The following CD96 variants were observed in gnomAD, a reference collection of about 807,000 sequenced individuals.
The protein encoded by CD96 is T-cell surface protein tactile.
In CD96, 70 loss-of-function variants were observed where a neutral mutation model predicts 71.3. The observed-to-expected ratio is 0.98, with a 90% CI of 0.81 to 1.20. The LOEUF (loss-of-function observed/expected upper bound fraction) is 1.20, where lower values mean the gene tolerates loss of function less well. Ranked by LOEUF, CD96 falls within the 50% of genes most tolerant of loss-of-function variation. CD96 has a pLI of 0.00. For missense variants in CD96, 742 were observed against 677.5 expected, an observed-to-expected ratio of 1.10 and a Z score of -1.06; for synonymous variants, 248 against 233.0, an observed-to-expected ratio of 1.06 and a Z score of -0.59.
chr3:111,660,359 T>A (rs956200838), intron 14 of CD96, among the ~76,000 whole-genome samples: 4 of 152,078 alleles, frequency 2.6e-5, no homozygotes, highest in Non-Finnish European at 4.4e-5. Context: ...TTGAAAGAAA[T>A]CAGAGATGAC....
chr3:111,643,070 T>TAA (rs201908883), intron 12 of CD96, among the ~76,000 whole-genome samples: 41 of 94,354 alleles, frequency 4.3e-4, no homozygotes, highest in Non-Finnish European at 5.7e-4. Flanking sequence ...CCAAAATCCT[T>TAA]AAAAAAAAAA....
At chr3:111,638,003 A>G (rs1183748243) in intron 11 of CD96, 76 bp from the exon 12 acceptor site, 2 of 837,256 alleles carry the variant, frequency 2.4e-6, no homozygotes, top group Non-Finnish European at 4.2e-6. Flanking sequence ...CAAATAACAT[A>G]TGAAACCCAA....
chr3:111,642,617 G>A (rs561101705), intron 12 of CD96, among the ~76,000 whole-genome samples: 1 of 151,992 alleles, frequency 6.6e-6, no homozygotes, highest in Admixed American at 6.6e-5. Flanking sequence ...GACCCGCCTG[G>A]CCAAGACAGT....
At chr3:111,617,566 C>G (rs954508905) in intron 8 of CD96, among the ~76,000 whole-genome samples, 3 of 152,142 alleles carry the variant, frequency 2.0e-5, no homozygotes, top group African/African-American at 7.2e-5. Context: ...AAGGAGCTAC[C>G]CACTACAGGT....
chr3:111,611,228 C>T (rs771690352), intron 8 of CD96, among the ~76,000 whole-genome samples: 38 of 152,284 alleles, frequency 2.5e-4, no homozygotes, highest in Non-Finnish European at 5.0e-4. Context: ...CAGTCTGCCT[C>T]TAACCCTCAG....
chr3:111,548,700 A>G (rs1005843893), intron 2 of CD96, among the ~76,000 whole-genome samples: 3 of 152,200 alleles, frequency 2.0e-5, no homozygotes, highest in Non-Finnish European at 4.4e-5. Context: ...TATTGGAAGC[A>G]GTAGTAGCAG....
intron 14 of CD96, among the ~76,000 whole-genome samples, chr3:111,657,419 A>G (rs1940257336): frequency 1.3e-5 from 2 of 152,092 alleles, no homozygotes; most frequent in Admixed American, 1.3e-4. Flanking sequence ...CATTTCAAAA[A>G]AAAAAAAACC....
Position 111,584,820 on chromosome 3 carries a change from A to G in CD96, c.752-503A>G, listed in dbSNP as rs182734797. Among the ~76,000 whole-genome samples, 55 of 152,296 alleles carry G rather than the reference A, an allele frequency of 3.6e-4. No homozygotes were observed. In the East Asian group the frequency reaches 4.8e-3, roughly 13 times the overall value. On this transcript the variant is annotated intron_variant, in intron 4 of 13. Coordinates refer to ENST00000352690, the MANE Select transcript of CD96 (RefSeq NM_005816.5). Reference sequence around the variant, plus strand: ...ATTTGAGTGAGGACAGAGCCAAACCATATCATAAGCCTTTGGACATGTAGA... The same window carrying G: ...ATTTGAGTGAGGACAGAGCCAAACCGTATCATAAGCCTTTGGACATGTAGA...
At chr3:111,613,587 T>C (rs1938068716) in intron 8 of CD96, among the ~76,000 whole-genome samples, 1 of 152,316 alleles carries the variant, frequency 6.6e-6, no homozygotes, top group South Asian at 2.1e-4. Flanking sequence ...TTAGATGTAG[T>C]TGAAGGCCTA....
intron 2 of CD96, among the ~76,000 whole-genome samples, chr3:111,546,470 T>C (rs751253036): frequency 6.6e-6 from 1 of 152,192 alleles, no homozygotes; most frequent in Non-Finnish European, 1.5e-5. Context: ...CCTTTCTGAA[T>C]AGAAATAAAA....
chr3:111,568,249 A>G lies in CD96; in HGVS notation c.543+602A>G, dbSNP rs141547776. ...AAACAAAAAACAGACAAACAAACAA[A>G]AGCCAGAAATCTGGATTTTTATGAA... is the stretch of plus-strand genomic sequence containing the variant. On this transcript the variant is annotated intron_variant, in intron 3 of 13. Coordinates refer to ENST00000352690, the MANE Select transcript of CD96 (RefSeq NM_005816.5). Among the ~76,000 whole-genome samples the G allele has an allele frequency of 1.6e-3, 238 of 152,264 alleles. 1 individual carries two copies. The highest frequency in any genetic ancestry group is 5.5e-3 in the African/African-American group (227 of 41,568).
At chr3:111,566,970 T>A (rs72622320) in intron 2 of CD96, among the ~76,000 whole-genome samples, 4,632 of 152,206 alleles carry the variant, frequency 0.03, 175 homozygotes, top group East Asian at 0.15. Flanking sequence ...TAATGTAAAC[T>A]ATGAACTTTG....
intron 5 of CD96, among the ~76,000 whole-genome samples, chr3:111,597,440 A>C (rs1229328644): frequency 6.6e-6 from 1 of 152,186 alleles, no homozygotes; most frequent in African/African-American, 2.4e-5. Flanking sequence ...TTTATTAAAA[A>C]ATATGTTGGA....
At chr3:111,653,217 G>C (rs1940148996), downstream of CD96, among the ~76,000 whole-genome samples, 1 of 152,130 alleles carries the variant, frequency 6.6e-6, no homozygotes, top group African/African-American at 2.4e-5. Flanking sequence ...AGAAGAAAAA[G>C]AAAGGCTCAT....
chr3:111,555,758 G>C, intron 2 of CD96, among the ~76,000 whole-genome samples: 1 of 152,092 alleles, frequency 6.6e-6, no homozygotes, highest in Non-Finnish European at 1.5e-5. Context: ...TTCAGGTTTT[G>C]TTAAAGTTCT....
chr3:111,567,392 CT>C (rs1935768125), intron 2 of CD96, 130 bp from the exon 3 acceptor site: 1 of 713,986 alleles, frequency 1.4e-6, no homozygotes, highest in African/African-American at 1.8e-5. Context: ...GGGAGTTTGC[CT>C]CTCTTTTTCA....
At chr3:111,586,799 C>T (rs376400952) in intron 5 of CD96, among the ~76,000 whole-genome samples, 9 of 152,266 alleles carry the variant, frequency 5.9e-5, no homozygotes, top group East Asian at 1.9e-4. Flanking sequence ...TCCCACAACA[C>T]GTGGGAATTC....
chr3:111,637,918 TG>T (rs1939412215), intron 11 of CD96, among the ~76,000 whole-genome samples, 160 bp from the exon 12 acceptor site: 1 of 152,154 alleles, frequency 6.6e-6, no homozygotes. Flanking sequence ...ATCCCAGCCT[TG>T]CTATAAATTG....
chr3:111,591,330 G>T (rs372375490), intron 5 of CD96, among the ~76,000 whole-genome samples: 1 of 131,624 alleles, frequency 7.6e-6, no homozygotes. Context: ...CCAAGATCGC[G>T]CCACTGCACT....
Sources: gnomAD v4.1 joint callset for allele counts (sites outside exome capture counted in the v4.1 genomes callset) on GRCh38, gnomAD v4.1.1 for gene constraint, MANE v1.5 for transcripts, NCBI Gene and HGNC (gene_info 2026-07-23, HGNC 2026-07-21) for gene names.